NAALADL2: variants seen among roughly 807,000 people sequenced by gnomAD.
NAALADL2 encodes the protein inactive N-acetylated-alpha-linked acidic dipeptidase-like protein 2.
Under a neutral mutation model 87.2 loss-of-function variants are expected in NAALADL2, and 76 were observed. The observed-to-expected ratio is 0.87, with a 90% CI of 0.72 to 1.05. The LOEUF (loss-of-function observed/expected upper bound fraction) is 1.05, where lower values mean the gene tolerates loss of function less well. Ranked by LOEUF, NAALADL2 falls within the 50% of genes least tolerant of loss-of-function variation. NAALADL2 has a pLI of 0.00. For missense variants in NAALADL2, 1,089 were observed against 945.8 expected (o/e 1.15, Z -1.99); for synonymous variants, 354 against 331.0 (o/e 1.07, Z -0.75).
At chr3:175,486,729 GT>G (rs371345789) in intron 9 of NAALADL2, among the ~76,000 whole-genome samples, 14 of 151,244 alleles carry the variant, frequency 9.3e-5, no homozygotes, top group African/African-American at 2.9e-4. Context: ...TATATGAAAT[GT>G]TTTTTTTTCT....
intron 9 of NAALADL2, among the ~76,000 whole-genome samples, chr3:175,540,118 A>C (rs542219764): frequency 9.2e-5 from 14 of 152,362 alleles, no homozygotes; most frequent in African/African-American, 3.1e-4. Flanking sequence ...CTTTGACTTC[A>C]GATTTCAGAT....
At chr3:175,280,136 TG>T (rs1754104557) in intron 4 of NAALADL2, among the ~76,000 whole-genome samples, 1 of 152,022 alleles carries the variant, frequency 6.6e-6, no homozygotes, top group Admixed American at 6.6e-5. Context: ...CTGATCTTCC[TG>T]GAACTGAAAA....
chr3:175,550,852 T>C (rs993406113), intron 9 of NAALADL2, among the ~76,000 whole-genome samples: 1 of 152,194 alleles, frequency 6.6e-6, no homozygotes, highest in African/African-American at 2.4e-5. Context: ...AACTCACATA[T>C]GCCTAAAACA....
intron 2 of NAALADL2, among the ~76,000 whole-genome samples, chr3:175,151,014 T>C (rs1731466844): frequency 6.6e-6 from 1 of 152,170 alleles, no homozygotes; most frequent in Non-Finnish European, 1.5e-5. Flanking sequence ...ATTGTTCTAC[T>C]GGATGGAATT....
chr3:174,972,584 T>C (rs930704013), intron 1 of NAALADL2, among the ~76,000 whole-genome samples: 11 of 152,168 alleles, frequency 7.2e-5, no homozygotes, highest in African/African-American at 2.7e-4. Context: ...AATTACCTCT[T>C]TAAAAGCTGT....
intron 2 of NAALADL2, among the ~76,000 whole-genome samples, chr3:175,117,678 C>G (rs1271537358): frequency 6.6e-6 from 1 of 151,220 alleles, no homozygotes; most frequent in Admixed American, 6.6e-5. Flanking sequence ...GGACTGTAAA[C>G]TAGTTCAACC....
At chr3:174,634,542 A>G (rs1315295081) in intron 2 of NAALADL2, among the ~76,000 whole-genome samples, 1 of 152,110 alleles carries the variant, frequency 6.6e-6, no homozygotes, top group East Asian at 1.9e-4. Flanking sequence ...AAATACACTT[A>G]TTTACATATT....
intron 3 of NAALADL2, among the ~76,000 whole-genome samples, chr3:174,740,532 C>G (rs1171952288): frequency 6.6e-6 from 1 of 151,832 alleles, no homozygotes; most frequent in Non-Finnish European, 1.5e-5. Context: ...AAAAATGTGA[C>G]AGTGGCTTTA....
intron 10 of NAALADL2, among the ~76,000 whole-genome samples, chr3:175,605,713 G>A (rs772688235): frequency 7.3e-6 from 1 of 137,480 alleles, no homozygotes; most frequent in Non-Finnish European, 1.6e-5. Flanking sequence ...ACTGTGTATT[G>A]CTGTTTTTTT....
At chr3:175,124,232 A>G (rs1726584941) in intron 2 of NAALADL2, among the ~76,000 whole-genome samples, 1 of 152,038 alleles carries the variant, frequency 6.6e-6, no homozygotes, top group African/African-American at 2.4e-5. Context: ...AAGTAATAAT[A>G]GCAGTTTTAA....
intron 9 of NAALADL2, among the ~76,000 whole-genome samples, chr3:175,517,612 T>C (rs912133524): frequency 6.6e-6 from 1 of 152,160 alleles, no homozygotes; most frequent in South Asian, 2.1e-4. Context: ...ACAATTAGAA[T>C]TGACAACAAA....
chr3:175,051,638 G>A (rs1252261627), intron 1 of NAALADL2, among the ~76,000 whole-genome samples: 2 of 152,166 alleles, frequency 1.3e-5, no homozygotes, highest in Non-Finnish European at 2.9e-5. Context: ...AACCATGGGC[G>A]CAACATCCTT....
At chr3:174,761,976 G>C (rs34054613) in intron 3 of NAALADL2, among the ~76,000 whole-genome samples, 121,399 of 151,872 alleles carry the variant, frequency 0.8, 48,726 homozygotes, top group Middle Eastern at 0.88. Context: ...CTGCTCTTTA[G>C]AAGCAAATAA....
At chr3:175,045,975 C>G (rs938706846) in intron 1 of NAALADL2, among the ~76,000 whole-genome samples, 1 of 151,612 alleles carries the variant, frequency 6.6e-6, no homozygotes, top group Non-Finnish European at 1.5e-5. Context: ...AGACACTCAA[C>G]AAGAACCTCC....
intron 10 of NAALADL2, among the ~76,000 whole-genome samples, chr3:175,608,415 T>G (rs1724083924): frequency 6.6e-6 from 1 of 151,916 alleles, no homozygotes; most frequent in Non-Finnish European, 1.5e-5. Context: ...GCAGTTTATC[T>G]GCACAATATG....
intron 3 of NAALADL2, among the ~76,000 whole-genome samples, chr3:175,236,705 A>T (rs1745961459): frequency 6.6e-6 from 1 of 152,182 alleles, no homozygotes; most frequent in African/African-American, 2.4e-5. Context: ...CATTTGGAAG[A>T]ATCTGTTGGG....
intron 2 of NAALADL2, among the ~76,000 whole-genome samples, chr3:174,677,129 T>G (rs1189266528): frequency 6.6e-6 from 1 of 152,060 alleles, no homozygotes. Context: ...TGCCGCCTTT[T>G]GGCTCTGCAG....
intron 2 of NAALADL2, among the ~76,000 whole-genome samples, chr3:174,655,684 C>G (rs1724847749): frequency 6.6e-6 from 1 of 151,960 alleles, no homozygotes; most frequent in South Asian, 2.1e-4. Flanking sequence ...TATAATATAA[C>G]ATGGATTTAA....
intron 1 of NAALADL2, among the ~76,000 whole-genome samples, chr3:175,094,947 T>A (rs1186083405): frequency 6.6e-6 from 1 of 152,066 alleles, no homozygotes; most frequent in East Asian, 1.9e-4. Context: ...GCTTTAGGTT[T>A]ACTATGTGAA....
Sources: allele counts gnomAD v4.1 joint callset (sites outside exome capture counted in the v4.1 genomes callset), GRCh38; gene constraint gnomAD v4.1.1; transcripts MANE v1.5; gene names NCBI Gene and HGNC (gene_info 2026-07-23, HGNC 2026-07-21).